The following ARHGEF10 variants were observed in gnomAD, a reference collection of about 807,000 sequenced individuals.
The protein encoded by ARHGEF10 is Rho guanine nucleotide exchange factor 10, also known as Rho guanine nucleotide exchange factor (GEF) 10.
In ARHGEF10, 140 loss-of-function variants were observed where a neutral mutation model predicts 147.4. The observed-to-expected ratio is 0.95, with a 90% CI of 0.83 to 1.09. The LOEUF is 1.09. Ranked by LOEUF, ARHGEF10 falls within the 50% of genes least tolerant of loss-of-function variation. ARHGEF10 has a pLI of 0.00. For missense variants in ARHGEF10, 2,222 were observed against 1,752.7 expected, an observed-to-expected ratio of 1.27 and a Z score of -4.78; for synonymous variants, 902 against 695.8, an observed-to-expected ratio of 1.30 and a Z score of -4.67.
In ARHGEF10 at chr8:1,867,567, C is replaced by A. The variant is rs1033149729; in HGVS notation, c.622+965C>A. On this transcript the variant is annotated intron_variant, in intron 6 of 28. Transcript: ENST00000349830. ...ATTTCCAACACGCGGCTCCAGCTTCCGTACAATTCAGAGTAAACCTAAAGG... is the reference window on the plus strand; with the variant it reads ...ATTTCCAACACGCGGCTCCAGCTTCAGTACAATTCAGAGTAAACCTAAAGG... Among the ~76,000 whole-genome samples the A allele has an allele frequency of 2.0e-5, 3 of 152,312 alleles. No individual in the cohort carries two copies. In the East Asian group the frequency reaches 5.8e-4, roughly 29 times the overall value.
chr8:1,928,539 ACGTTCCCGT>A lies in ARHGEF10; in HGVS notation c.2813_2821del (p.Val938_Val940del), dbSNP rs778737376. 4 of 1,614,208 alleles carry A rather than the reference ACGTTCCCGT, an allele frequency of 2.5e-6. No individual in the cohort carries two copies. The highest frequency in any genetic ancestry group is 2.5e-6 in the Non-Finnish European group (3 of 1,180,042). ...GAATCTCGCATCCTGTGCATGCTGT[ACGTTCCCGT>A]CGAGGAGAAGCGCAGAGAGCCTGGG... On this transcript the variant is annotated inframe_deletion, in exon 24 of 29. Coordinates refer to ENST00000349830, the MANE Select transcript of ARHGEF10 (RefSeq NM_014629.4).
intron 1 of ARHGEF10, among the ~76,000 whole-genome samples, chr8:1,836,727 T>C (rs938383332): frequency 2.0e-5 from 3 of 152,290 alleles, no homozygotes; most frequent in Non-Finnish European, 2.9e-5. Flanking sequence ...ATGGTTTGGC[T>C]GTGTCCCCAC....
At chr8:1,882,793 G>C (rs1027100507) in intron 10 of ARHGEF10, 44 bp downstream of exon 10, 24 of 1,381,422 alleles carry the variant, frequency 1.7e-5, no homozygotes, top group South Asian at 6.2e-5. Context: ...ACGGGGTTGG[G>C]GGGGGCGGCC....
chr8:1,923,322 A>G (rs531976242), intron 19 of ARHGEF10, 146 bp from the exon 20 acceptor site: 1 of 1,261,322 alleles, frequency 7.9e-7, no homozygotes, highest in African/African-American at 1.5e-5. Flanking sequence ...CCACAGTGTG[A>G]TCTGACTCCC....
chr8:1,842,086 C>G (rs1301517061), intron 1 of ARHGEF10, among the ~76,000 whole-genome samples: 2 of 146,394 alleles, frequency 1.4e-5, no homozygotes, highest in Non-Finnish European at 3.0e-5. Context: ...ACTGGGGCCG[C>G]GAGGCGCCGA....
chr8:1,839,728 G>A (rs1324660804), intron 1 of ARHGEF10, among the ~76,000 whole-genome samples: 4 of 146,236 alleles, frequency 2.7e-5, no homozygotes, highest in South Asian at 2.2e-4. Flanking sequence ...GGGACTGTCC[G>A]GTGTGGAAGC....
intron 1 of ARHGEF10, chr8:1,826,283 C>A: frequency 2.6e-6 from 2 of 760,992 alleles, no homozygotes; most frequent in Non-Finnish European, 4.4e-6. Flanking sequence ...CATTTGTCTT[C>A]TGGGTGCTTT....
intron 1 of ARHGEF10, among the ~76,000 whole-genome samples, chr8:1,835,664 A>G (rs1031306536): frequency 2.6e-5 from 4 of 152,192 alleles, no homozygotes; most frequent in African/African-American, 9.7e-5. Context: ...CTCCTTTTGC[A>G]GGCCTGGGCA....
At chr8:1,941,936 AC>A (rs1490452116) in intron 26 of ARHGEF10, among the ~76,000 whole-genome samples, 1 of 152,198 alleles carries the variant, frequency 6.6e-6, no homozygotes, top group African/African-American at 2.4e-5. Context: ...ATGAAGTTGG[AC>A]CCCTGCCTCA....
chr8:1,843,339 T>G lies in ARHGEF10; in HGVS notation c.-47-14T>G. 2.5e-6 allele frequency: 4 copies of G among 1,607,148 alleles called. No individual in the cohort carries two copies. The highest frequency in any genetic ancestry group is 3.4e-6 in the Non-Finnish European group (4 of 1,176,962). On this transcript the variant is annotated splice_polypyrimidine_tract_variant and intron_variant, in intron 1 of 28. Transcript: ENST00000349830. ...CACCTGAACGGTGACAAGCAGTGTC[T>G]CTCCTTCTTGCAGGAGCTCCTTCCC...
At chr8:1,900,547 C>T (rs1010801123) in intron 15 of ARHGEF10, among the ~76,000 whole-genome samples, 1 of 152,212 alleles carries the variant, frequency 6.6e-6, no homozygotes, top group Admixed American at 6.5e-5. Flanking sequence ...GGAAAAGCAG[C>T]AGATGGAACA....
chr8:1,832,077 G>T (rs1418698748), intron 1 of ARHGEF10, among the ~76,000 whole-genome samples: 3 of 152,194 alleles, frequency 2.0e-5, no homozygotes, highest in Non-Finnish European at 4.4e-5. Flanking sequence ...GAGGAGCAGC[G>T]GTGGGTCGAG....
At chr8:1,895,488 C>G (rs1306427888) in intron 13 of ARHGEF10, among the ~76,000 whole-genome samples, 1 of 152,022 alleles carries the variant, frequency 6.6e-6, no homozygotes, top group Non-Finnish European at 1.5e-5. Context: ...AAACAAAATT[C>G]TTTCAAAGAT....
At chr8:1,923,639 G>C in intron 20 of ARHGEF10, 44 bp downstream of exon 20, 1 of 1,614,130 alleles carries the variant, frequency 6.2e-7, no homozygotes. Flanking sequence ...CCAATGCTGG[G>C]GAGAAAATGG....
At chr8:1,851,623 C>G (rs1011294031) in intron 2 of ARHGEF10, among the ~76,000 whole-genome samples, 1 of 152,164 alleles carries the variant, frequency 6.6e-6, no homozygotes, top group Non-Finnish European at 1.5e-5. Context: ...TTAAAAGCAA[C>G]CAAACTGGGG....
intron 12 of ARHGEF10, among the ~76,000 whole-genome samples, 169 bp downstream of exon 12, chr8:1,893,815 C>A (rs891702164): frequency 6.6e-6 from 1 of 152,076 alleles, no homozygotes; most frequent in Non-Finnish European, 1.5e-5. Flanking sequence ...CATCAAAAGT[C>A]ATGATTTATG....
chr8:1,846,721 C>T (rs1158017629), intron 2 of ARHGEF10, among the ~76,000 whole-genome samples: 1 of 152,098 alleles, frequency 6.6e-6, no homozygotes, highest in Non-Finnish European at 1.5e-5. Context: ...GGATTATAGA[C>T]ACCTGCCACC....
intron 26 of ARHGEF10, among the ~76,000 whole-genome samples, chr8:1,934,988 T>C (rs866868187): frequency 1.3e-5 from 2 of 152,108 alleles, no homozygotes; most frequent in Middle Eastern, 3.4e-3. Flanking sequence ...ACCAACCCAA[T>C]AGAAGATGTT....
chr8:1,848,798 G>A (rs35689870), intron 2 of ARHGEF10, among the ~76,000 whole-genome samples: 11,662 of 152,050 alleles, frequency 0.077, 714 homozygotes, highest in East Asian at 0.23. Context: ...TCCCCTTGAA[G>A]CAAACTTTTA....
Sources: allele counts gnomAD v4.1 joint callset (sites outside exome capture counted in the v4.1 genomes callset), GRCh38; gene constraint gnomAD v4.1.1; transcripts MANE v1.5; gene names NCBI Gene and HGNC (gene_info 2026-07-23, HGNC 2026-07-21).